The following WWOX variants were observed in gnomAD, a reference collection of about 807,000 sequenced individuals.
The protein encoded by WWOX is WW domain containing oxidoreductase.
In WWOX, 69 loss-of-function variants were observed where a neutral mutation model predicts 46.2. The observed-to-expected ratio is 1.49, with a 90% CI of 1.23 to 1.82. The LOEUF (loss-of-function observed/expected upper bound fraction) is 1.82, where lower values mean the gene tolerates loss of function less well. Ranked by LOEUF, WWOX falls within the 40% of genes most tolerant of loss-of-function variation. WWOX has a pLI of 0.00. For synonymous variants in WWOX, 359 were observed against 202.6 expected, an observed-to-expected ratio of 1.77 and a Z score of -6.56; for missense variants, 919 against 542.6, an observed-to-expected ratio of 1.69 and a Z score of -6.89.
At chr16:79,041,413 C>G (rs149805834) in intron 8 of WWOX, among the ~76,000 whole-genome samples, 2 of 152,182 alleles carry the variant, frequency 1.3e-5, no homozygotes, top group Admixed American at 6.5e-5. Flanking sequence ...ACGCCCCTTG[C>G]GGTTCCTTGC....
At chr16:78,994,949 CTT>C (rs1241791090) in intron 8 of WWOX, among the ~76,000 whole-genome samples, 4 of 128,138 alleles carry the variant, frequency 3.1e-5, no homozygotes, top group Admixed American at 2.4e-4. Flanking sequence ...TTTTTTCTTT[CTT>C]TTCTTCTTCT....
chr16:78,555,731 C>G (rs746205338), intron 8 of WWOX, among the ~76,000 whole-genome samples: 2 of 151,994 alleles, frequency 1.3e-5, no homozygotes, highest in Non-Finnish European at 2.9e-5. Context: ...CCAAATGACT[C>G]CACATTTGGA....
chr16:78,466,547 C>A (rs7189471), intron 8 of WWOX, among the ~76,000 whole-genome samples: 230 of 152,130 alleles, frequency 1.5e-3, no homozygotes, highest in African/African-American at 5.3e-3. Flanking sequence ...TTAAATATTC[C>A]AGCTGCGTGC....
intron 5 of WWOX, among the ~76,000 whole-genome samples, chr16:78,365,215 C>G (rs2081507026): frequency 6.6e-6 from 1 of 152,204 alleles, no homozygotes; most frequent in African/African-American, 2.4e-5. Flanking sequence ...CCAAGAGTAA[C>G]TGGTGGGTCT....
chr16:78,168,576 C>G (rs2035051875), intron 5 of WWOX: 3 of 152,028 alleles, frequency 2.0e-5, no homozygotes, highest in African/African-American at 4.8e-5. Flanking sequence ...CCAAGTCTGT[C>G]TGCTCCACCC....
At chr16:78,745,195 G>C (rs1252791258) in intron 8 of WWOX, among the ~76,000 whole-genome samples, 1 of 152,160 alleles carries the variant, frequency 6.6e-6, no homozygotes, top group Non-Finnish European at 1.5e-5. Flanking sequence ...ATCTTTCCTG[G>C]AAGAACTCAG....
chr16:78,962,331 A>ATTTT, intron 8 of WWOX, among the ~76,000 whole-genome samples: 1 of 98,750 alleles, frequency 1.0e-5, no homozygotes, highest in Admixed American at 1.1e-4. Flanking sequence ...TTTTTTAAAA[A>ATTTT]AAAAAAAAAA....
chr16:78,589,037 C>A (rs2045290196), intron 8 of WWOX, among the ~76,000 whole-genome samples: 1 of 152,336 alleles, frequency 6.6e-6, no homozygotes, highest in African/African-American at 2.4e-5. Context: ...TCTGCACCAA[C>A]CTCCTTATTA....
intron 5 of WWOX, among the ~76,000 whole-genome samples, chr16:78,315,339 T>G (rs560583279): frequency 6.6e-6 from 1 of 152,162 alleles, no homozygotes; most frequent in Non-Finnish European, 1.5e-5. Context: ...CTCTGTAGTT[T>G]GATATGATAA....
chr16:78,334,171 C>G (rs7193880), intron 5 of WWOX, among the ~76,000 whole-genome samples: 17,443 of 152,158 alleles, frequency 0.11, 1,137 homozygotes, highest in East Asian at 0.13. Flanking sequence ...ATGCATTCGC[C>G]TAATGTAATG....
chr16:78,514,320 A>G (rs2175474), intron 8 of WWOX, among the ~76,000 whole-genome samples: 139,485 of 152,240 alleles, frequency 0.92, 64,268 homozygotes, highest in Non-Finnish European at 0.97. Flanking sequence ...AACAGCTGCC[A>G]TTGAGTGTGT....
intron 5 of WWOX, among the ~76,000 whole-genome samples, chr16:78,233,652 G>A (rs1029182686): frequency 6.7e-6 from 1 of 150,280 alleles, no homozygotes; most frequent in African/African-American, 2.5e-5. Flanking sequence ...TCAGCCTCCC[G>A]AGTAGCTGGG....
chr16:78,676,453 C>A (rs896402287), intron 8 of WWOX, among the ~76,000 whole-genome samples: 2 of 148,490 alleles, frequency 1.3e-5, no homozygotes, highest in Non-Finnish European at 3.0e-5. Context: ...GAAATTGGAT[C>A]ACTTACCTAA....
At position 78,176,510 on chromosome 16, in the gene WWOX, A is replaced by C. The variant is rs572691149; in HGVS notation, c.516+12221A>C. On this transcript the variant is annotated intron_variant, in intron 5 of 8. Coordinates refer to ENST00000566780, the MANE Select transcript of WWOX (RefSeq NM_016373.4). ...TTCTCAGATTCTAATTGTTCCGACT[A>C]CAATGCGTCCTGTAAACCGGGTAGC... Among the ~76,000 whole-genome samples the C allele has an allele frequency of 5.9e-5, 9 of 152,326 alleles. No individual in the cohort carries two copies. In the South Asian group the frequency reaches 1.9e-3, roughly 32 times the overall value.
At chr16:78,933,849 G>C (rs548421918) in intron 8 of WWOX, among the ~76,000 whole-genome samples, 1 of 152,080 alleles carries the variant, frequency 6.6e-6, no homozygotes, top group East Asian at 1.9e-4. Flanking sequence ...GGAGTTACAA[G>C]TTGCAATTCA....
At chr16:78,612,051 T>C (rs1261659453) in intron 8 of WWOX, among the ~76,000 whole-genome samples, 2 of 152,232 alleles carry the variant, frequency 1.3e-5, no homozygotes, top group African/African-American at 4.8e-5. Flanking sequence ...TGGATCCTGG[T>C]GTGCACCTGG....
intron 8 of WWOX, among the ~76,000 whole-genome samples, chr16:78,600,125 C>T (rs909761624): frequency 1.3e-5 from 2 of 152,042 alleles, no homozygotes; most frequent in African/African-American, 4.8e-5. Context: ...CTTATAAAAC[C>T]ATCAGATCTC....
intron 8 of WWOX, among the ~76,000 whole-genome samples, chr16:79,082,280 A>G (rs2048774695): frequency 1.3e-5 from 2 of 152,164 alleles, no homozygotes; most frequent in Admixed American, 1.3e-4. Context: ...AGTCAGATGG[A>G]CTTTGATTTG....
chr16:78,930,257 TCCTTCCTTCCTTTCTCTCTTTC>T (rs2045592593), intron 8 of WWOX, among the ~76,000 whole-genome samples: 1 of 127,090 alleles, frequency 7.9e-6, no homozygotes, highest in Non-Finnish European at 1.7e-5. Context: ...CTTCCTTCCT[TCCTTCCTTCCTTTCTCTCTTTC>T]TTTTTTTATT....
Sources: gnomAD v4.1 joint callset for allele counts (sites outside exome capture counted in the v4.1 genomes callset) on GRCh38, gnomAD v4.1.1 for gene constraint, MANE v1.5 for transcripts, NCBI Gene and HGNC (gene_info 2026-07-23, HGNC 2026-07-21) for gene names.